The following CBX7 variants were observed in gnomAD, a reference collection of about 807,000 sequenced individuals.
The protein encoded by CBX7 is chromobox 7.
Under a neutral mutation model 31.4 loss-of-function variants are expected in CBX7, and 14 were observed. The ratio of observed to expected loss-of-function variants is 0.45; its 90% CI spans 0.29 to 0.70. The LOEUF (loss-of-function observed/expected upper bound fraction) is 0.70, where lower values mean the gene tolerates loss of function less well. Among genes scored for constraint, CBX7 ranks in the 30% least tolerant of loss-of-function variants. CBX7 has a pLI of 0.11. For missense variants in CBX7, 269 were observed against 351.9 expected (o/e 0.76, Z 1.89); for synonymous variants, 159 against 152.6 (o/e 1.04, Z -0.31).
chr22:39,134,904 C>G, intron 4 of CBX7, 152 bp from the exon 5 acceptor site: 1 of 612,712 alleles, frequency 1.6e-6, no homozygotes, highest in East Asian at 2.9e-5. Context: ...TCACCCCACC[C>G]CACCCCAGCC....
At chr22:39,143,485 A>G (rs1364654184) in intron 2 of CBX7, among the ~76,000 whole-genome samples, 3 of 152,246 alleles carry the variant, frequency 2.0e-5, no homozygotes, top group African/African-American at 7.2e-5. Context: ...AGGTTAATTT[A>G]TTACTGAAGA....
intron 4 of CBX7, among the ~76,000 whole-genome samples, chr22:39,136,912 T>C (rs1344404507): frequency 6.6e-6 from 1 of 152,206 alleles, no homozygotes; most frequent in Non-Finnish European, 1.5e-5. Context: ...GCCCACTGCA[T>C]GAAGGGAGGC....
intron 1 of CBX7, among the ~76,000 whole-genome samples, chr22:39,150,980 C>G (rs1237873742): frequency 2.0e-5 from 3 of 152,202 alleles, no homozygotes; most frequent in African/African-American, 7.2e-5. Context: ...TCACTGTGTG[C>G]CGCCTCTGCA....
At chr22:39,144,568 G>T (rs533284912) in intron 2 of CBX7, among the ~76,000 whole-genome samples, 1 of 152,222 alleles carries the variant, frequency 6.6e-6, no homozygotes, top group Non-Finnish European at 1.5e-5. Flanking sequence ...TGCCGAAAGC[G>T]AAACTACAGC....
rs1930343475 is a variant in CBX7, at chr22:39,138,710, G to A, written c.180-8C>T. 6.2e-7 allele frequency: 1 copy of A among 1,613,940 alleles called. No homozygotes were observed. Among genetic ancestry groups the A allele is most frequent in the African/African-American group, 1.3e-5 (1 of 75,038 alleles). On this transcript the variant is annotated splice_region_variant and splice_polypyrimidine_tract_variant and intron_variant, in intron 3 of 5. Coordinates refer to ENST00000216133, the MANE Select transcript of CBX7 (RefSeq NM_175709.5). ...GCTCGGTCTCTCTCCTCCCTGGGGTGTGAAGCAGGTGGCAGAAGAAAAGGA... is the reference window on the plus strand; with the variant it reads ...GCTCGGTCTCTCTCCTCCCTGGGGTATGAAGCAGGTGGCAGAAGAAAAGGA...
intron 4 of CBX7, 161 bp from the exon 5 acceptor site, chr22:39,134,913 C>T: frequency 1.7e-6 from 1 of 600,232 alleles, no homozygotes; most frequent in Non-Finnish European, 2.9e-6. Flanking sequence ...CCCACCCCAG[C>T]CCAGAGAGTG....
chr22:39,145,849 G>C (rs1168285654), intron 2 of CBX7, among the ~76,000 whole-genome samples: 1 of 151,836 alleles, frequency 6.6e-6, no homozygotes, highest in Admixed American at 6.5e-5. Context: ...GCCCCGCCGC[G>C]CAGGGCTCGC....
chr22:39,138,317 G>C (rs929308405), intron 4 of CBX7, among the ~76,000 whole-genome samples: 34 of 152,286 alleles, frequency 2.2e-4, no homozygotes, highest in African/African-American at 6.5e-4. Context: ...AGCATCGAAA[G>C]GCTCAAAGCT....
chr22:39,140,671 G>T lies in CBX7; in HGVS notation c.179+700C>A, dbSNP rs143470886. 1.3e-3 allele frequency among the ~76,000 whole-genome samples: 205 copies of T among 152,332 alleles called. 1 individual carries two copies. The East Asian group carries it at 0.024, about 18-fold the overall frequency. On this transcript the variant is annotated intron_variant, in intron 3 of 5. Coordinates refer to ENST00000216133, the MANE Select transcript of CBX7 (RefSeq NM_175709.5). The stretch of plus-strand genomic sequence containing the variant: ...CAAATACAAATGATTTTGTGAAATG[G>T]TCCCAAGCCGCACAAGGCAGGCGGG...
chr22:39,134,320 T>C, intron 5 of CBX7, 81 bp downstream of exon 5: 1 of 1,231,234 alleles, frequency 8.1e-7, no homozygotes, highest in Non-Finnish European at 1.1e-6. Context: ...ACAGGCCCTC[T>C]TTGGACATTG....
chr22:39,135,031 G>C (rs1279117037), intron 4 of CBX7: 3 of 408,866 alleles, frequency 7.3e-6, no homozygotes, highest in Non-Finnish European at 8.7e-6. Context: ...AAGCATACAA[G>C]AAGGACAAAC....
At chr22:39,140,188 C>T (rs1176165916) in intron 3 of CBX7, among the ~76,000 whole-genome samples, 2 of 152,168 alleles carry the variant, frequency 1.3e-5, no homozygotes, top group African/African-American at 2.4e-5. Flanking sequence ...TACCAATGAA[C>T]CCCACGGCAC....
chr22:39,137,700 A>T (rs1364495090), intron 4 of CBX7, among the ~76,000 whole-genome samples: 1 of 152,120 alleles, frequency 6.6e-6, no homozygotes, highest in Non-Finnish European at 1.5e-5. Context: ...CACTGCTCCA[A>T]GATCCACGTC....
At chr22:39,148,495 G>T (rs1930738914) in intron 2 of CBX7, 1 of 152,262 alleles carries the variant, frequency 6.6e-6, no homozygotes, top group African/African-American at 2.4e-5. Context: ...GGGAGGCGGT[G>T]CTCCTGCTGC....
At position 39,134,489 on chromosome 22, in the gene CBX7, C is replaced by CCGT. The variant is rs778683109; in HGVS notation, c.507_509dup (p.Arg170dup). 189 of 1,611,060 alleles carry CCGT rather than the reference C, an allele frequency of 1.2e-4. No individual in the cohort carries two copies. In the East Asian group the frequency reaches 4.2e-3, roughly 36 times the overall value. ...CCGGTGGCTCCTGCAGGAAGAGCTC[C>CCGT]CGTCGATGGCTGTGGCTCTCCAGGT... On this transcript the variant is annotated inframe_insertion, in exon 5 of 6. Coordinates refer to ENST00000216133, the MANE Select transcript of CBX7 (RefSeq NM_175709.5).
In CBX7 at chr22:39,131,144, G is replaced by A. The variant is rs1038562859; in HGVS notation, c.*2747C>T. ...TGCCCCCAGAACAAGGGGACAGGAG[G>A]AGCTTGGCAACGAGGTCATCACCCG... On this transcript the variant is annotated 3_prime_UTR_variant, in exon 6 of 6. Coordinates refer to ENST00000216133, the MANE Select transcript of CBX7 (RefSeq NM_175709.5). The A allele has an allele frequency of 6.6e-6, 1 of 152,628 alleles. No individual in the cohort carries two copies. Among genetic ancestry groups the A allele is most frequent in the Admixed American group, 6.5e-5 (1 of 15,280 alleles). The allele number at this position is 152,628 out of a possible 1,614,324, so 9.5% of individuals were successfully genotyped here.
chr22:39,143,569 G>A (rs747182048), intron 2 of CBX7, among the ~76,000 whole-genome samples: 24 of 152,206 alleles, frequency 1.6e-4, no homozygotes, highest in African/African-American at 4.3e-4. Flanking sequence ...TTAGTGTAGC[G>A]TAAGTGTACA....
chr22:39,151,835 C>A (rs1930865847), intron 1 of CBX7, among the ~76,000 whole-genome samples: 1 of 56,202 alleles, frequency 1.8e-5, no homozygotes, highest in Admixed American at 2.8e-4. Flanking sequence ...CTGGCCTGGG[C>A]TAGGAGTTGA....
At chr22:39,150,468 C>T (rs183063470) in intron 1 of CBX7, among the ~76,000 whole-genome samples, 4 of 152,324 alleles carry the variant, frequency 2.6e-5, no homozygotes, top group Admixed American at 2.6e-4. Context: ...CCCCTCCCTT[C>T]CTCACAGGCT....
Sources: gnomAD v4.1 joint callset for allele counts (sites outside exome capture counted in the v4.1 genomes callset) on GRCh38, gnomAD v4.1.1 for gene constraint, MANE v1.5 for transcripts, NCBI Gene and HGNC (gene_info 2026-07-23, HGNC 2026-07-21) for gene names.